Variants in MACROD2 observed in about 807,000 individuals in gnomAD.
MACROD2 encodes the protein ADP-ribose glycohydrolase MACROD2.
MACROD2 carries 36 observed loss-of-function variants against 70.4 expected under a neutral mutation model. The ratio of observed to expected loss-of-function variants is 0.51; its 90% CI spans 0.39 to 0.68. The LOEUF (loss-of-function observed/expected upper bound fraction) is 0.68, where lower values mean the gene tolerates loss of function less well. Among genes scored for constraint, MACROD2 ranks in the 30% least tolerant of loss-of-function variants. The probability of loss-of-function intolerance (pLI) is 0.00; values close to 1 mark genes in which losing one functional copy is unlikely to be tolerated. For missense variants in MACROD2, 496 were observed against 538.4 expected, an observed-to-expected ratio of 0.92 and a Z score of 0.78; for synonymous variants, 172 against 178.8, an observed-to-expected ratio of 0.96 and a Z score of 0.30.
At chr20:14,040,429 A>G (rs2053376294) in intron 2 of MACROD2, among the ~76,000 whole-genome samples, 1 of 152,146 alleles carries the variant, frequency 6.6e-6, no homozygotes, top group Admixed American at 6.5e-5. Flanking sequence ...TATTTCAATA[A>G]GTTTTTGGGG....
At chr20:14,502,318 T>C (rs1156433732) in intron 4 of MACROD2, among the ~76,000 whole-genome samples, 8 of 152,196 alleles carry the variant, frequency 5.3e-5, no homozygotes, top group Non-Finnish European at 1.2e-4. Flanking sequence ...CCCCTCAAAC[T>C]GAAGATACTG....
At chr20:14,057,558 G>A (rs771946003) in intron 2 of MACROD2, among the ~76,000 whole-genome samples, 1 of 152,200 alleles carries the variant, frequency 6.6e-6, no homozygotes, top group South Asian at 2.1e-4. Flanking sequence ...AGTGGAGAGC[G>A]ATGCACCTCT....
chr20:15,819,324 A>T (rs577918161), intron 8 of MACROD2, among the ~76,000 whole-genome samples: 1 of 138,398 alleles, frequency 7.2e-6, no homozygotes, highest in Non-Finnish European at 1.5e-5. Context: ...CTTATATATA[A>T]ATATAAATAT....
At chr20:15,655,496 G>T (rs930913577) in intron 8 of MACROD2, among the ~76,000 whole-genome samples, 2 of 151,928 alleles carry the variant, frequency 1.3e-5, no homozygotes, top group Non-Finnish European at 2.9e-5. Flanking sequence ...AGAAATCCTG[G>T]GCTTCGGAAT....
At chr20:14,237,469 A>G (rs935560359) in intron 3 of MACROD2, among the ~76,000 whole-genome samples, 1 of 150,850 alleles carries the variant, frequency 6.6e-6, no homozygotes, top group African/African-American at 2.4e-5. Flanking sequence ...TTTTCTTTCC[A>G]TATTGTGTAT....
At chr20:15,151,909 AGGGGAG>A (rs551062073) in intron 5 of MACROD2, among the ~76,000 whole-genome samples, 1,594 of 151,696 alleles carry the variant, frequency 0.011, 36 homozygotes, top group African/African-American at 0.037. Flanking sequence ...CCTGGCGAGG[AGGGGAG>A]GGGTCAGATG....
chr20:15,164,769 C>T (rs898962057), intron 5 of MACROD2, among the ~76,000 whole-genome samples: 1 of 152,094 alleles, frequency 6.6e-6, no homozygotes, highest in Non-Finnish European at 1.5e-5. Context: ...GGCATGGTGG[C>T]TTGTGCCTGT....
intron 3 of MACROD2, among the ~76,000 whole-genome samples, chr20:14,432,869 G>A (rs2084010710): frequency 6.6e-6 from 1 of 152,176 alleles, no homozygotes; most frequent in African/African-American, 2.4e-5. Context: ...TTTACTTATT[G>A]TTAATTTGGT....
intron 8 of MACROD2, among the ~76,000 whole-genome samples, chr20:15,554,917 C>T (rs890593696): frequency 6.6e-6 from 1 of 152,192 alleles, no homozygotes; most frequent in African/African-American, 2.4e-5. Context: ...ATGTTCATAG[C>T]CTTATCTTTT....
intron 7 of MACROD2, among the ~76,000 whole-genome samples, chr20:15,476,415 T>C (rs1481508110): frequency 6.6e-6 from 1 of 152,248 alleles, no homozygotes; most frequent in Non-Finnish European, 1.5e-5. Flanking sequence ...TCTGAATCAC[T>C]GTGCTGCTCA....
chr20:15,126,111 C>A (rs2076064562), intron 5 of MACROD2, among the ~76,000 whole-genome samples: 2 of 98,784 alleles, frequency 2.0e-5, no homozygotes, highest in African/African-American at 4.2e-5. Flanking sequence ...ATTGTTTCAA[C>A]TTTTTTTTTT....
chr20:15,446,335 A>G (rs2046565113), intron 7 of MACROD2, among the ~76,000 whole-genome samples: 1 of 152,222 alleles, frequency 6.6e-6, no homozygotes, highest in Non-Finnish European at 1.5e-5. Flanking sequence ...AAGGTGATGC[A>G]TCTGTATCCT....
At chr20:14,288,542 C>T (rs2082362065) in intron 3 of MACROD2, among the ~76,000 whole-genome samples, 1 of 152,212 alleles carries the variant, frequency 6.6e-6, no homozygotes, top group Non-Finnish European at 1.5e-5. Context: ...CAAGTGTGAT[C>T]ACCCTGTGGG....
At chr20:14,170,936 T>A (rs1236432820) in intron 3 of MACROD2, among the ~76,000 whole-genome samples, 1 of 152,230 alleles carries the variant, frequency 6.6e-6, no homozygotes, top group Non-Finnish European at 1.5e-5. Context: ...CTTCTTTGAA[T>A]GTTTGATAGA....
intron 4 of MACROD2, among the ~76,000 whole-genome samples, chr20:14,529,583 A>G (rs1032134226): frequency 2.0e-5 from 3 of 152,220 alleles, no homozygotes; most frequent in Non-Finnish European, 2.9e-5. Flanking sequence ...CTAGAACTGC[A>G]TCTCTTGCCC....
At chr20:15,036,671 A>G (rs746198032) in intron 5 of MACROD2, among the ~76,000 whole-genome samples, 29 of 152,254 alleles carry the variant, frequency 1.9e-4, no homozygotes, top group Middle Eastern at 6.8e-3. Flanking sequence ...ACAATACACT[A>G]AAGTCAGTGT....
chr20:15,930,159 C>T (rs781344774), intron 10 of MACROD2, among the ~76,000 whole-genome samples: 1 of 152,182 alleles, frequency 6.6e-6, no homozygotes, highest in Non-Finnish European at 1.5e-5. Flanking sequence ...AAAATCCCTT[C>T]TGGAAACCTC....
chr20:14,572,377 TA>T, intron 4 of MACROD2, among the ~76,000 whole-genome samples: 1 of 152,224 alleles, frequency 6.6e-6, no homozygotes, highest in African/African-American at 2.4e-5. Context: ...CATTAGCTAC[TA>T]AAGCTGAACA....
chr20:15,770,275 C>G (rs2051602835), intron 8 of MACROD2, among the ~76,000 whole-genome samples: 2 of 151,824 alleles, frequency 1.3e-5, no homozygotes, highest in Admixed American at 1.3e-4. Context: ...TTTATATCTT[C>G]TGAGAAGAAA....
Sources: gnomAD v4.1 joint callset for allele counts (sites outside exome capture counted in the v4.1 genomes callset) on GRCh38, gnomAD v4.1.1 for gene constraint, MANE v1.5 for transcripts, NCBI Gene and HGNC (gene_info 2026-07-23, HGNC 2026-07-21) for gene names.